The following CPNE3 variants were observed in gnomAD, a reference collection of about 807,000 sequenced individuals.
The protein encoded by CPNE3 is copine 3, also known as copine-3.
A neutral mutation model predicts 63.9 loss-of-function variants in CPNE3; 68 were observed. That is an observed-to-expected ratio of 1.06 (90% CI 0.87 to 1.30). The LOEUF (loss-of-function observed/expected upper bound fraction) is 1.30, where lower values mean the gene tolerates loss of function less well. CPNE3 is among the 50% of genes most tolerant of loss of function. The probability of loss-of-function intolerance (pLI) is 0.00; values close to 1 mark genes in which losing one functional copy is unlikely to be tolerated. For synonymous variants in CPNE3, 219 were observed against 197.5 expected (o/e 1.11, Z -0.91); for missense variants, 665 against 578.1 (o/e 1.15, Z -1.54).
chr8:86,516,964 C>T (rs1169725548), intron 2 of CPNE3, among the ~76,000 whole-genome samples: 1 of 152,180 alleles, frequency 6.6e-6, no homozygotes, highest in Non-Finnish European at 1.5e-5. Context: ...TCAGGTGGAT[C>T]TTTTAGCAAG....
chr8:86,522,547 G>GTTTTT (rs1563684952), intron 2 of CPNE3, among the ~76,000 whole-genome samples: 1 of 69,912 alleles, frequency 1.4e-5, no homozygotes, highest in Non-Finnish European at 3.2e-5. Context: ...GACGCCCGCT[G>GTTTTT]CTTTTTTTTT....
At chr8:86,526,659 C>T (rs1246956677) in intron 2 of CPNE3, among the ~76,000 whole-genome samples, 1 of 152,022 alleles carries the variant, frequency 6.6e-6, no homozygotes, top group East Asian at 1.9e-4. Context: ...ATCACAGGCT[C>T]ATGCCACCAC....
intron 6 of CPNE3, among the ~76,000 whole-genome samples, chr8:86,536,696 T>A (rs1310824999): frequency 6.6e-6 from 1 of 152,168 alleles, no homozygotes; most frequent in Non-Finnish European, 1.5e-5. Context: ...GTCCTTTCAT[T>A]TTCAAAAATA....
chr8:86,545,032 C>A (rs192214786), intron 9 of CPNE3, 194 bp downstream of exon 9: 9 of 327,368 alleles, frequency 2.7e-5, no homozygotes, highest in Admixed American at 4.8e-5. Flanking sequence ...CAGAACACCA[C>A]GTAACAGTTA....
At position 86,537,441 on chromosome 8, in the gene CPNE3, T is replaced by C. The variant is rs759083062; in HGVS notation, c.460-122T>C. ...AGGGAGAAAGGTGATGGGATGTATA[T>C]TTACTATCAATACTATAGAGTTAGA... On this transcript the variant is annotated intron_variant, in intron 6 of 16. Coordinates refer to ENST00000517490, the MANE Select transcript of CPNE3 (RefSeq NM_003909.5). 1.2e-5 allele frequency: 8 copies of C among 652,944 alleles called. No individual in the cohort carries two copies. In the Admixed American group the frequency reaches 1.6e-4, roughly 13 times the overall value. The allele number at this position is 652,944 out of a possible 1,614,324, so 40.4% of individuals were successfully genotyped here.
chr8:86,543,451 A>C (rs1820984441), intron 8 of CPNE3, among the ~76,000 whole-genome samples: 1 of 152,304 alleles, frequency 6.6e-6, no homozygotes, highest in South Asian at 2.1e-4. Context: ...CCAAGTAAAC[A>C]TAAAAAATCC....
chr8:86,542,905 A>T (rs756635372), intron 8 of CPNE3, among the ~76,000 whole-genome samples: 2 of 152,032 alleles, frequency 1.3e-5, no homozygotes, highest in Non-Finnish European at 2.9e-5. Flanking sequence ...AAAGATATGA[A>T]CCGTTTTAGC....
intron 5 of CPNE3, among the ~76,000 whole-genome samples, 178 bp from the exon 6 acceptor site, chr8:86,532,331 A>G (rs1820701088): frequency 6.6e-6 from 1 of 152,234 alleles, no homozygotes; most frequent in East Asian, 1.9e-4. Flanking sequence ...TCTTTATTTC[A>G]CACACATAAA....
At position 86,521,067 on chromosome 8, in the gene CPNE3, C is replaced by G. The variant is rs533380307; in HGVS notation, c.-11+5568C>G. Reference sequence around the variant, plus strand: ...CATCACTTTGTTACTAAATACAGAACAAGCGTAGTTTAAATTCTTTTAATG... The same window carrying G: ...CATCACTTTGTTACTAAATACAGAAGAAGCGTAGTTTAAATTCTTTTAATG... On this transcript the variant is annotated intron_variant, in intron 2 of 16. Transcript: ENST00000517490. 3.3e-5 allele frequency among the ~76,000 whole-genome samples: 5 copies of G among 152,188 alleles called. No individual in the cohort carries two copies. In the South Asian group the frequency reaches 1.0e-3, roughly 32 times the overall value.
chr8:86,545,312 T>C (rs1369714330), intron 9 of CPNE3: 1 of 152,380 alleles, frequency 6.6e-6, no homozygotes, highest in Admixed American at 6.5e-5. Flanking sequence ...AGTGTGCTTA[T>C]CTAGTGCTGT....
intron 4 of CPNE3, among the ~76,000 whole-genome samples, chr8:86,529,685 TATG>T (rs1254635933): frequency 6.6e-6 from 1 of 152,208 alleles, no homozygotes; most frequent in Non-Finnish European, 1.5e-5. Flanking sequence ...CTTCCCAGTA[TATG>T]ATAAGTTTGG....
chr8:86,549,819 T>C (rs1191589386), intron 12 of CPNE3, among the ~76,000 whole-genome samples: 5 of 152,134 alleles, frequency 3.3e-5, no homozygotes, highest in Non-Finnish European at 5.9e-5. Flanking sequence ...AGGGAGTGAA[T>C]GTGCATTCCC....
intron 10 of CPNE3, 70 bp downstream of exon 10, chr8:86,546,751 GC>G: frequency 6.6e-7 from 1 of 1,508,904 alleles, no homozygotes; most frequent in Non-Finnish European, 8.9e-7. Flanking sequence ...TCGCTCTGTT[GC>G]CCAGGCTGGA....
intron 7 of CPNE3, among the ~76,000 whole-genome samples, chr8:86,539,514 T>C (rs1238114594): frequency 6.6e-6 from 1 of 152,154 alleles, no homozygotes; most frequent in Non-Finnish European, 1.5e-5. Flanking sequence ...GGTATTAAAA[T>C]TTTAAATTAT....
At chr8:86,547,416 T>G (rs1317885596) in intron 10 of CPNE3, 1 of 241,896 alleles carries the variant, frequency 4.1e-6, no homozygotes, top group Non-Finnish European at 7.9e-6. Flanking sequence ...CTATGCTTTT[T>G]AAAGCCCTCA....
intron 12 of CPNE3, 60 bp from the exon 13 acceptor site, chr8:86,550,986 A>T: frequency 6.8e-7 from 1 of 1,470,384 alleles, no homozygotes; most frequent in Non-Finnish European, 9.0e-7. Context: ...ATTGTGGGCA[A>T]AGATAAAGCT....
intron 1 of CPNE3, chr8:86,515,205 G>GCCAGAACCC (rs1321340468): frequency 1.3e-5 from 2 of 152,246 alleles, no homozygotes; most frequent in East Asian, 3.8e-4. Flanking sequence ...GAAGCGCACG[G>GCCAGAACCC]CCAGAACCCG....
chr8:86,541,455 G>A (rs1820936108), intron 8 of CPNE3, among the ~76,000 whole-genome samples: 1 of 152,088 alleles, frequency 6.6e-6, no homozygotes, highest in African/African-American at 2.4e-5. Context: ...TATAATCCCA[G>A]CACTTTGGGA....
chr8:86,529,847 A>G lies in CPNE3; in HGVS notation c.312+723A>G, dbSNP rs375359451. ...TCAATATGTGACATTTGTCACTCAC[A>G]TATGTCTTTTACAAGTTTATTTTTC... On this transcript the variant is annotated intron_variant, in intron 4 of 16. Transcript: ENST00000517490. Among the ~76,000 whole-genome samples the G allele has an allele frequency of 4.9e-4, 74 of 152,148 alleles. No individual in the cohort carries two copies. The East Asian group carries it at 0.011, about 23-fold the overall frequency.
Sources: gnomAD v4.1 joint callset for allele counts (sites outside exome capture counted in the v4.1 genomes callset) on GRCh38, gnomAD v4.1.1 for gene constraint, MANE v1.5 for transcripts, NCBI Gene and HGNC (gene_info 2026-07-23, HGNC 2026-07-21) for gene names.